The following ANKRD44 variants were observed in gnomAD, a reference collection of about 807,000 sequenced individuals.
ANKRD44 encodes serine/threonine-protein phosphatase 6 regulatory ankyrin repeat subunit B.
A neutral mutation model predicts 116.0 loss-of-function variants in ANKRD44; 35 were observed. That is an observed-to-expected ratio of 0.30 (90% CI 0.23 to 0.40). The LOEUF is 0.40. Among genes scored for constraint, ANKRD44 ranks in the 10% least tolerant of loss-of-function variants. The pLI, the probability that ANKRD44 is intolerant of heterozygous loss-of-function variation, is 1.00. For missense variants in ANKRD44, 1,014 were observed against 1,242.6 expected, an observed-to-expected ratio of 0.82 and a Z score of 2.77; for synonymous variants, 435 against 461.8, an observed-to-expected ratio of 0.94 and a Z score of 0.74.
chr2:197,222,389 G>T (rs1307673304), intron 1 of ANKRD44, among the ~76,000 whole-genome samples: 2 of 152,156 alleles, frequency 1.3e-5, no homozygotes, highest in African/African-American at 4.8e-5. Flanking sequence ...TCTCTTTAAA[G>T]ATCAAAAACT....
At chr2:197,294,318 T>C (rs894524649) in intron 1 of ANKRD44, among the ~76,000 whole-genome samples, 1 of 152,128 alleles carries the variant, frequency 6.6e-6, no homozygotes, top group African/African-American at 2.4e-5. Context: ...ATCTTTCATA[T>C]AGAAGTTAGT....
chr2:197,292,459 G>C (rs538369038), intron 1 of ANKRD44, among the ~76,000 whole-genome samples: 10 of 152,278 alleles, frequency 6.6e-5, no homozygotes, highest in Middle Eastern at 3.4e-3. Context: ...TTAAGTGAAG[G>C]TGGGACACTC....
At chr2:196,976,081 A>C (rs1440490320) in intron 21 of ANKRD44, among the ~76,000 whole-genome samples, 1 of 152,050 alleles carries the variant, frequency 6.6e-6, no homozygotes, top group Admixed American at 6.6e-5. Context: ...AAATAGAAAA[A>C]ATTTCTTCAA....
intron 3 of ANKRD44, among the ~76,000 whole-genome samples, chr2:197,138,911 G>A (rs1348627736): frequency 6.6e-6 from 1 of 152,184 alleles, no homozygotes; most frequent in East Asian, 1.9e-4. Flanking sequence ...AAACCCAAAT[G>A]TCAAGACACA....
chr2:197,049,427 T>A (rs2077063661), intron 16 of ANKRD44, among the ~76,000 whole-genome samples: 1 of 152,138 alleles, frequency 6.6e-6, no homozygotes, highest in Non-Finnish European at 1.5e-5. Context: ...CAATGGAGGG[T>A]AACTGGAGAC....
intron 13 of ANKRD44, among the ~76,000 whole-genome samples, chr2:197,084,344 T>A (rs2077870199): frequency 6.6e-6 from 1 of 152,180 alleles, no homozygotes; most frequent in East Asian, 1.9e-4. Flanking sequence ...ACCCCACTCA[T>A]CGTCTTGTCC....
chr2:197,282,855 G>T (rs1211239834), intron 1 of ANKRD44, among the ~76,000 whole-genome samples: 1 of 152,164 alleles, frequency 6.6e-6, no homozygotes, highest in Non-Finnish European at 1.5e-5. Flanking sequence ...GTACTCAGGA[G>T]GCTGAGGCAG....
intron 1 of ANKRD44, among the ~76,000 whole-genome samples, chr2:197,189,001 A>C (rs1036990894): frequency 6.6e-6 from 1 of 152,196 alleles, no homozygotes; most frequent in Non-Finnish European, 1.5e-5. Flanking sequence ...CTAGTGTCAC[A>C]TACCTTGACC....
intron 21 of ANKRD44, among the ~76,000 whole-genome samples, chr2:197,002,869 G>A: frequency 6.6e-6 from 1 of 152,176 alleles, no homozygotes; most frequent in East Asian, 1.9e-4. Flanking sequence ...GTTAGTGAAA[G>A]TTCCCTTATG....
intron 21 of ANKRD44, among the ~76,000 whole-genome samples, chr2:196,980,787 C>T (rs2075795817): frequency 6.6e-6 from 1 of 152,178 alleles, no homozygotes; most frequent in South Asian, 2.1e-4. Context: ...ATGCACTTGA[C>T]CATTTTTACT....
intron 1 of ANKRD44, among the ~76,000 whole-genome samples, chr2:197,241,075 A>G (rs2082080813): frequency 6.6e-6 from 1 of 152,096 alleles, no homozygotes; most frequent in South Asian, 2.1e-4. Flanking sequence ...TCCAGGGCAC[A>G]TCTTCTCTCT....
At position 197,022,415 on chromosome 2, in the gene ANKRD44, T is replaced by C. The variant is rs537100636; in HGVS notation, c.1722+2781A>G. Among the ~76,000 whole-genome samples, 12 of 152,338 alleles carry C rather than the reference T, an allele frequency of 7.9e-5. No individual in the cohort carries two copies. In the South Asian group the frequency reaches 2.1e-3, roughly 26 times the overall value. On this transcript the variant is annotated intron_variant, in intron 17 of 27. Coordinates refer to ENST00000282272, the MANE Select transcript of ANKRD44 (RefSeq NM_001195144.2). ...AAACAAAAGTCACATCATATCAATC[T>C]GTTTCCTCAAGACCCTCCTAATAGT...
At chr2:196,989,814 GA>G in intron 27 of ANKRD44, 165 bp from the exon 28 acceptor site, 1 of 1,399,110 alleles carries the variant, frequency 7.1e-7, no homozygotes, top group Non-Finnish European at 9.3e-7. Flanking sequence ...CCTTGACTGA[GA>G]AGCTCATTTT....
intron 1 of ANKRD44, among the ~76,000 whole-genome samples, chr2:197,231,678 C>T (rs1268313003): frequency 6.6e-6 from 1 of 151,670 alleles, no homozygotes; most frequent in African/African-American, 2.4e-5. Flanking sequence ...TGCTAAGCAT[C>T]CTATGATGCA....
chr2:197,222,852 G>A (rs761889124), intron 1 of ANKRD44, among the ~76,000 whole-genome samples: 18 of 148,680 alleles, frequency 1.2e-4, no homozygotes, highest in African/African-American at 3.0e-4. Flanking sequence ...TCACTCTGTC[G>A]CCCAGGCTGA....
At chr2:197,269,047 A>C (rs149752427) in intron 1 of ANKRD44, among the ~76,000 whole-genome samples, 6,100 of 150,922 alleles carry the variant, frequency 0.04, 209 homozygotes, top group Admixed American at 0.12. Flanking sequence ...ATTTCCATGA[A>C]AAGCCATTAA....
At chr2:197,130,790 T>A (rs563048412) in intron 4 of ANKRD44, among the ~76,000 whole-genome samples, 4 of 152,212 alleles carry the variant, frequency 2.6e-5, no homozygotes, top group African/African-American at 7.2e-5. Flanking sequence ...ATGATCATGT[T>A]TTTTAGAGGA....
intron 1 of ANKRD44, among the ~76,000 whole-genome samples, chr2:197,225,980 C>G (rs895247689): frequency 2.0e-5 from 3 of 152,136 alleles, no homozygotes; most frequent in African/African-American, 7.2e-5. Flanking sequence ...GCATCTTTCT[C>G]CCAAACTTCA....
At chr2:197,123,860 T>A (rs2376292) in intron 6 of ANKRD44, among the ~76,000 whole-genome samples, 8,567 of 152,112 alleles carry the variant, frequency 0.056, 340 homozygotes, top group South Asian at 0.092. Flanking sequence ...ATAGAAAAAA[T>A]TTTTTTCGAT....
Sources: allele counts gnomAD v4.1 joint callset (sites outside exome capture counted in the v4.1 genomes callset), GRCh38; gene constraint gnomAD v4.1.1; transcripts MANE v1.5; gene names NCBI Gene and HGNC (gene_info 2026-07-23, HGNC 2026-07-21).